SNW1: variants seen among roughly 807,000 people sequenced by gnomAD.
SNW1 encodes SNW domain containing 1, also known as SNW domain-containing protein 1.
A neutral mutation model predicts 75.6 loss-of-function variants in SNW1; 9 were observed. The observed-to-expected ratio is 0.12, with a 90% CI of 0.07 to 0.21. SNW1 has a LOEUF of 0.21. Ranked by LOEUF, SNW1 falls within the 10% of genes least tolerant of loss-of-function variation. The probability of loss-of-function intolerance (pLI) is 1.00; values close to 1 mark genes in which losing one functional copy is unlikely to be tolerated. For synonymous variants in SNW1, 200 were observed against 219.1 expected, an observed-to-expected ratio of 0.91 and a Z score of 0.77; for missense variants, 409 against 670.9, an observed-to-expected ratio of 0.61 and a Z score of 4.31.
intron 3 of SNW1, among the ~76,000 whole-genome samples, chr14:77,744,821 C>A (rs1020671444): frequency 6.6e-6 from 1 of 151,972 alleles, no homozygotes; most frequent in Admixed American, 6.6e-5. Context: ...GTGATTACCC[C>A]CAAGGAGAAA....
At chr14:77,734,066 TAAG>T (rs2080650315) in intron 8 of SNW1, 1 of 222,758 alleles carries the variant, frequency 4.5e-6, no homozygotes, top group African/African-American at 2.3e-5. Flanking sequence ...TAAATTCTCT[TAAG>T]AAACCTGAAA....
At chr14:77,754,394 T>G (rs1351608044) in intron 2 of SNW1, among the ~76,000 whole-genome samples, 4 of 152,198 alleles carry the variant, frequency 2.6e-5, no homozygotes, top group Non-Finnish European at 5.9e-5. Flanking sequence ...CTATTCCAGA[T>G]GGTTCCTTCT....
Position 77,738,825 on chromosome 14 carries a change from G to A in SNW1, c.486C>T (p.Ala162=). ...EKSVSQKVAA[A]MPVRAADKLA... ...ATTTGTCAGCTGCTCGAACTGGCATGGCTGCGGCGACCTTCTGTGATACAG... is the reference window on the plus strand; with the variant it reads ...ATTTGTCAGCTGCTCGAACTGGCATAGCTGCGGCGACCTTCTGTGATACAG... Residue 162 remains alanine (A), a synonymous_variant, in exon 5 of 14, where the codon GCC becomes GCT. Coordinates refer to ENST00000261531, the MANE Select transcript of SNW1 (RefSeq NM_012245.3). 6.2e-7 allele frequency: 1 copy of A among 1,614,158 alleles called. No individual in the cohort carries two copies. The highest frequency in any genetic ancestry group is 1.1e-5 in the South Asian group (1 of 91,066).
At chr14:77,760,961 T>A in intron 1 of SNW1, 153 bp downstream of exon 1, 5 of 1,555,440 alleles carry the variant, frequency 3.2e-6, no homozygotes, top group Non-Finnish European at 4.4e-6. Context: ...GGCCTAGTCG[T>A]AGCGGCGGCC....
In SNW1 at chr14:77,718,068, C is replaced by T; in HGVS notation, c.*20G>A. 2 of 1,533,362 alleles carry T rather than the reference C, an allele frequency of 1.3e-6. No individual in the cohort carries two copies. The highest frequency in any genetic ancestry group is 8.8e-7 in the Non-Finnish European group (1 of 1,141,240). 95.0% of individuals were successfully genotyped at this position (1,533,362 alleles called of 1,614,324 possible). On this transcript the variant is annotated 3_prime_UTR_variant, in exon 14 of 14. Transcript: ENST00000261531. ...TTAGGGTTATGGGTAAGAGTTCATT[C>T]ACTTTGGAGAGACCTGTGCCTATTC...
At chr14:77,751,847 A>ACACACAC (rs1566836259) in intron 2 of SNW1, among the ~76,000 whole-genome samples, 7 of 124,844 alleles carry the variant, frequency 5.6e-5, no homozygotes, top group African/African-American at 1.2e-4. Context: ...CACACACACC[A>ACACACAC]CACACACACA....
intron 3 of SNW1, among the ~76,000 whole-genome samples, chr14:77,747,841 G>A (rs1437685086): frequency 1.4e-5 from 2 of 147,502 alleles, no homozygotes; most frequent in Non-Finnish European, 3.0e-5. Context: ...GGTGGGGGGC[G>A]CCTCTGCCCG....
chr14:77,753,880 G>C (rs956029469), intron 2 of SNW1, among the ~76,000 whole-genome samples: 2 of 151,640 alleles, frequency 1.3e-5, no homozygotes, highest in Admixed American at 6.6e-5. Flanking sequence ...TTGAACCCAG[G>C]AGGCGAAGGC....
intron 10 of SNW1, among the ~76,000 whole-genome samples, chr14:77,725,715 T>C (rs1040329527): frequency 1.3e-5 from 2 of 152,072 alleles, no homozygotes; most frequent in Admixed American, 6.6e-5. Flanking sequence ...GCCAGGAGGT[T>C]GAGACCACCC....
chr14:77,746,395 A>C (rs1353907602), intron 3 of SNW1, among the ~76,000 whole-genome samples: 1 of 152,242 alleles, frequency 6.6e-6, no homozygotes, highest in Non-Finnish European at 1.5e-5. Flanking sequence ...AGAGAGGGGA[A>C]TATACTTGAG....
chr14:77,742,714 G>A (rs2080728105), intron 3 of SNW1, among the ~76,000 whole-genome samples: 6 of 151,692 alleles, frequency 4.0e-5, no homozygotes, highest in Admixed American at 3.9e-4. Context: ...CATTCTTTTG[G>A]GTATAGTACG....
intron 10 of SNW1, among the ~76,000 whole-genome samples, chr14:77,730,390 G>C (rs1323299087): frequency 6.6e-6 from 1 of 152,100 alleles, no homozygotes; most frequent in Non-Finnish European, 1.5e-5. Context: ...GCACACAGCA[G>C]ATGCTCAATA....
At chr14:77,760,640 C>G (rs972581265) in intron 1 of SNW1, 2 of 702,270 alleles carry the variant, frequency 2.8e-6, no homozygotes, top group African/African-American at 1.7e-5. Context: ...CAGCTCCGGG[C>G]CTCTTTTTTC....
intron 5 of SNW1, 120 bp downstream of exon 5, chr14:77,738,658 G>A (rs539952433): frequency 4.6e-5 from 32 of 700,314 alleles, no homozygotes; most frequent in Admixed American, 8.2e-5. Context: ...CAGGCTTTGA[G>A]TCATTATTGA....
rs112621186 is a variant in SNW1 at position 77,738,693 on chromosome 14, T to A, written c.533+85A>T. The A allele has an allele frequency of 9.0e-6, 8 of 888,822 alleles. No homozygotes were observed. In the African/African-American group the frequency reaches 1.3e-4, roughly 15 times the overall value. The allele number at this position is 888,822 out of a possible 1,614,324, so 55.1% of individuals were successfully genotyped here. A position where few individuals can be genotyped will look rare whatever the true frequency, so the allele number is the denominator to read the frequency against. On this transcript the variant is annotated intron_variant, in intron 5 of 13. Coordinates refer to ENST00000261531, the MANE Select transcript of SNW1 (RefSeq NM_012245.3). ...AAAACAATGCATTTATAATGGTTGC[T>A]AAGTGGGTTAGTGAAAGAATACCAT...
intron 8 of SNW1, 37 bp downstream of exon 8, chr14:77,734,910 G>C (rs202082676): frequency 7.1e-7 from 1 of 1,405,710 alleles, no homozygotes; most frequent in Non-Finnish European, 1.0e-6. Flanking sequence ...TTTCCAGTAG[G>C]TTATACTAAT....
intron 3 of SNW1, among the ~76,000 whole-genome samples, chr14:77,741,951 A>G (rs7155062): frequency 0.17 from 25,635 of 152,128 alleles, 2,553 homozygotes; most frequent in Non-Finnish European, 0.23. Flanking sequence ...ATGAGCATCA[A>G]TAAGATTCTA....
chr14:77,754,991 T>C lies in SNW1; in HGVS notation c.144A>G (p.Lys48=). Residue 48 remains lysine, a synonymous_variant, in exon 2 of 14, where the codon AAA becomes AAG. Transcript: ENST00000261531. ...CCTCTAATAACCGAGGTATCCAGCC[T>C]TTCCGGTATCCGTACGGGGGAGGTT... ...RREPPPYGYR[K]GWIPRLLEDF... 6.2e-7 allele frequency: 1 copy of C among 1,605,934 alleles called. No individual in the cohort carries two copies. Among genetic ancestry groups the C allele is most frequent in the East Asian group, 2.2e-5 (1 of 44,796 alleles).
intron 10 of SNW1, among the ~76,000 whole-genome samples, chr14:77,724,810 G>T (rs1425961956): frequency 1.3e-5 from 2 of 152,196 alleles, no homozygotes; most frequent in African/African-American, 4.8e-5. Context: ...AATAAACATG[G>T]AAGTGCAGAT....
Sources: gnomAD v4.1 joint callset for allele counts (sites outside exome capture counted in the v4.1 genomes callset) on GRCh38, gnomAD v4.1.1 for gene constraint, MANE v1.5 for transcripts, NCBI Gene and HGNC (gene_info 2026-07-23, HGNC 2026-07-21) for gene names.